Variants in CDCA7 observed in about 807,000 individuals in gnomAD.
CDCA7 encodes the protein cell division cycle-associated protein 7.
In CDCA7, 28 loss-of-function variants were observed where a neutral mutation model predicts 54.0. That is an observed-to-expected ratio of 0.52 (90% confidence interval 0.38 to 0.71). CDCA7 has a LOEUF of 0.71. Among genes scored for constraint, CDCA7 ranks in the 30% least tolerant of loss-of-function variants. The pLI is 0.00. For missense variants in CDCA7, 484 were observed against 586.0 expected, an observed-to-expected ratio of 0.83 and a Z score of 1.80; for synonymous variants, 180 against 208.2, an observed-to-expected ratio of 0.86 and a Z score of 1.16.
intron 1 of CDCA7, 165 bp from the exon 2 acceptor site, chr2:173,358,546 GA>G: frequency 1.5e-6 from 1 of 680,228 alleles, no homozygotes; most frequent in Non-Finnish European, 2.3e-6. Flanking sequence ...AAAAAAGAAA[GA>G]AAAAATTTTT....
At position 173,365,359 on chromosome 2, in the gene CDCA7, C is replaced by G. The variant is rs915243077; in HGVS notation, c.895-93C>G. On this transcript the variant is annotated intron_variant, in intron 6 of 9. Transcript: ENST00000306721. ...GCTGGGGAGAGCCAGTTTTGAATCT[C>G]TGTGTTTCATATTTGAATCTGTTTT... 24 of 1,389,064 alleles carry G rather than the reference C, an allele frequency of 1.7e-5. No individual in the cohort carries two copies. The African/African-American group carries it at 3.5e-4, about 20-fold the overall frequency. 86.0% of individuals were successfully genotyped at this position (1,389,064 alleles called of 1,614,324 possible).
At chr2:173,365,078 A>G in intron 6 of CDCA7, 89 bp downstream of exon 6, 1 of 1,436,846 alleles carries the variant, frequency 7.0e-7, no homozygotes, top group African/African-American at 1.4e-5. Flanking sequence ...GCACATCCTT[A>G]ACACCAGGCG....
At chr2:173,358,611 C>T in intron 1 of CDCA7, 101 bp from the exon 2 acceptor site, 1 of 1,281,088 alleles carries the variant, frequency 7.8e-7, no homozygotes, top group South Asian at 1.6e-5. Flanking sequence ...ATGGACATAT[C>T]TACTCTGTGC....
At chr2:173,356,564 G>A (rs1257200752) in intron 1 of CDCA7, among the ~76,000 whole-genome samples, 1 of 152,190 alleles carries the variant, frequency 6.6e-6, no homozygotes, top group Non-Finnish European at 1.5e-5. Context: ...AGGCTGGAGT[G>A]CAGTGGCACA....
chr2:173,360,563 C>A (rs576026111), intron 3 of CDCA7, among the ~76,000 whole-genome samples: 4 of 152,254 alleles, frequency 2.6e-5, no homozygotes, highest in Admixed American at 6.5e-5. Flanking sequence ...ACTGCAGCCT[C>A]CACCTCCTGG....
At chr2:173,361,919 C>T (rs1467704561) in intron 3 of CDCA7, among the ~76,000 whole-genome samples, 3 of 152,104 alleles carry the variant, frequency 2.0e-5, no homozygotes, top group South Asian at 2.1e-4. Flanking sequence ...TGGGTTCAAG[C>T]GATTCTCTTG....
chr2:173,368,589 C>G lies in CDCA7; in HGVS notation c.*925C>G, dbSNP rs1686764419. On this transcript the variant is annotated 3_prime_UTR_variant, in exon 10 of 10. Transcript: ENST00000306721. ...ACAAGGTTCAAGTTTAGATTTTAAGCACTTTTATAACAATGATAAGTGCCT... is the reference window on the plus strand; with the variant it reads ...ACAAGGTTCAAGTTTAGATTTTAAGGACTTTTATAACAATGATAAGTGCCT... 1 of 152,174 alleles carries G rather than the reference C, an allele frequency of 6.6e-6. No individual in the cohort carries two copies. Among genetic ancestry groups the G allele is most frequent in the South Asian group, 2.1e-4 (1 of 4,836 alleles). The allele number at this position is 152,174 out of a possible 1,614,324, so 9.4% of individuals were successfully genotyped here.
intron 2 of CDCA7, 62 bp downstream of exon 2, chr2:173,358,899 T>G: frequency 6.4e-7 from 1 of 1,562,266 alleles, no homozygotes; most frequent in Non-Finnish European, 8.7e-7. Context: ...CCCAGATGCT[T>G]TGTGCGTGAT....
At position 173,363,883 on chromosome 2, in the gene CDCA7, A is replaced by G. The variant is rs1686669587; in HGVS notation, c.687A>G (p.Pro229=). The change falls in exon 5 of 10, where the codon CCA becomes CCG. Residue 229 remains proline, a synonymous_variant. Transcript: ENST00000306721. ...CGTTCCGTGGAAGACATCCCCTCCC[A>G]GGCTCCGACTCAGTAAGTACCAGTT... ...PGSFRGRHPL[P]GSDSQSRRPR... 6.2e-7 allele frequency: 1 copy of G among 1,614,048 alleles called. No individual in the cohort carries two copies. The highest frequency in any genetic ancestry group is 1.3e-5 in the African/African-American group (1 of 74,930).
intron 3 of CDCA7, among the ~76,000 whole-genome samples, chr2:173,360,897 G>C (rs984836237): frequency 1.3e-5 from 2 of 151,560 alleles, no homozygotes; most frequent in South Asian, 2.1e-4. Flanking sequence ...GTCAATTTTG[G>C]AATAACTTTA....
Position 173,367,296 on chromosome 2 carries a change from G to T in CDCA7, c.1322+10G>T, listed in dbSNP as rs541970003. On this transcript the variant is annotated intron_variant, in intron 9 of 9. Coordinates refer to ENST00000306721, the MANE Select transcript of CDCA7 (RefSeq NM_031942.5). ...ATGCCTACTTGAAAAGGTAGTGGGT[G>T]TTTTTTTTTCCCTTCCACATCTGAA... The T allele has an allele frequency of 1.1e-5, 17 of 1,602,630 alleles. No homozygotes were observed. The African/African-American group carries it at 2.3e-4, about 22-fold the overall frequency.
At chr2:173,355,171 C>G (rs1686471558) in intron 1 of CDCA7, among the ~76,000 whole-genome samples, 187 bp downstream of exon 1, 1 of 152,120 alleles carries the variant, frequency 6.6e-6, no homozygotes, top group Admixed American at 6.5e-5. Flanking sequence ...GGGGACGTTC[C>G]TGCGTGGCGT....
rs749100838 is a variant in CDCA7 at position 173,366,399 on chromosome 2, T to C, written c.1152T>C (p.Tyr384=). The C allele has an allele frequency of 9.3e-6, 15 of 1,614,058 alleles. No individual in the cohort carries two copies. Among genetic ancestry groups the C allele is most frequent in the East Asian group, 4.5e-5 (2 of 44,886 alleles). Residue 384 remains tyrosine (Y), a synonymous_variant, in exon 8 of 10, where the codon TAT becomes TAC. Transcript: ENST00000306721. The surrounding 1 kb of genome is among the most constrained non-coding windows in gnomAD (Gnocchi z 4.5). ...QFCGPCLRNR[Y]GEEVRDALLD... Reference sequence around the variant, plus strand: ...GTGGCCCCTGCCTTCGAAACCGTTATGGTGAAGAGGTCAGGGATGCTCTGC... The same window carrying C: ...GTGGCCCCTGCCTTCGAAACCGTTACGGTGAAGAGGTCAGGGATGCTCTGC...
intron 3 of CDCA7, among the ~76,000 whole-genome samples, chr2:173,361,685 C>G (rs1439763770): frequency 6.6e-6 from 1 of 152,142 alleles, no homozygotes; most frequent in Non-Finnish European, 1.5e-5. Context: ...CTCCTGACCT[C>G]AGGTGATCTG....
At position 173,368,339 on chromosome 2, in the gene CDCA7, A is replaced by C. The variant is rs993893072; in HGVS notation, c.*675A>C. The C allele has an allele frequency of 6.6e-6, 1 of 152,240 alleles. No homozygotes were observed. Among genetic ancestry groups the C allele is most frequent in the Admixed American group, 6.5e-5 (1 of 15,278 alleles). The allele number at this position is 152,240 out of a possible 1,614,324, so 9.4% of individuals were successfully genotyped here. ...ATCATAATTCAAAGGTTGGTGGGCA[A>C]TGTAATACTTAATTAAAATAATGAT... On this transcript the variant is annotated 3_prime_UTR_variant, in exon 10 of 10. Coordinates refer to ENST00000306721, the MANE Select transcript of CDCA7 (RefSeq NM_031942.5).
rs946506404 is a variant in CDCA7 at position 173,366,564 on chromosome 2, G to C, written c.1185+132G>C. ...GGTGCTCTTCTTTTTTTTTAAGATG[G>C]AGTCTCATTCTGTCGCCAGGCTGCA... On this transcript the variant is annotated intron_variant, in intron 8 of 9. Transcript: ENST00000306721. The surrounding 1 kb of genome is among the most constrained non-coding windows in gnomAD (Gnocchi z 4.5). 7.3e-6 allele frequency: 9 copies of C among 1,233,550 alleles called. No individual in the cohort carries two copies. Among genetic ancestry groups the C allele is most frequent in the Non-Finnish European group, 1.0e-5 (9 of 900,032 alleles). 76.4% of individuals were successfully genotyped at this position (1,233,550 alleles called of 1,614,324 possible).
At chr2:173,364,679 G>GA (rs1686685344) in intron 5 of CDCA7, 116 bp from the exon 6 acceptor site, 5 of 1,443,622 alleles carry the variant, frequency 3.5e-6, no homozygotes, top group Non-Finnish European at 3.6e-6. Context: ...CAAAGAAAAA[G>GA]AAAAAATAGA....
intron 3 of CDCA7, among the ~76,000 whole-genome samples, chr2:173,360,713 GCA>G (rs1686604477): frequency 6.6e-6 from 1 of 152,112 alleles, no homozygotes; most frequent in Non-Finnish European, 1.5e-5. Context: ...CTAGGCCCAA[GCA>G]ATCCTCCCGT....
chr2:173,363,539 A>G, intron 4 of CDCA7, 77 bp downstream of exon 4: 4 of 1,387,030 alleles, frequency 2.9e-6, no homozygotes, highest in Non-Finnish European at 4.0e-6. Flanking sequence ...CCATCACGCA[A>G]AAGTTATTTT....
Sources: gnomAD v4.1 joint callset for allele counts (sites outside exome capture counted in the v4.1 genomes callset) on GRCh38, gnomAD v4.1.1 for gene constraint, Gnocchi (gnomAD v3.1) non-coding constraint, MANE v1.5 for transcripts, NCBI Gene and HGNC (gene_info 2026-07-23, HGNC 2026-07-21) for gene names.